Variants in ACBD6 observed in about 807,000 individuals in gnomAD.
ACBD6 encodes acyl-CoA-binding domain-containing protein 6.
In ACBD6, 28 loss-of-function variants were observed where a neutral mutation model predicts 37.2. The observed-to-expected ratio is 0.75, with a 90% CI of 0.56 to 1.03. The LOEUF is 1.03. ACBD6 is among the 50% of genes least tolerant of loss of function. ACBD6 has a pLI of 0.00. For missense variants in ACBD6, 340 were observed against 337.4 expected, an observed-to-expected ratio of 1.01 and a Z score of -0.06; for synonymous variants, 113 against 126.8, an observed-to-expected ratio of 0.89 and a Z score of 0.73.
intron 3 of ACBD6, among the ~76,000 whole-genome samples, chr1:180,482,874 G>A (rs1352729502): frequency 6.6e-6 from 1 of 152,086 alleles, no homozygotes; most frequent in African/African-American, 2.4e-5. Context: ...GAGTGTGTGG[G>A]GCAAGGTACT....
exon 11 of ACBD6, chr1:180,274,022 G>A: frequency 7.6e-6 from 6 of 787,408 alleles, no homozygotes; most frequent in Admixed American, 2.3e-5. Flanking sequence ...GTTGGCCTCT[G>A]GATATCAGGC....
downstream of ACBD6, among the ~76,000 whole-genome samples, chr1:180,283,958 G>A (rs1023365844): frequency 3.3e-5 from 5 of 151,968 alleles, no homozygotes; most frequent in Non-Finnish European, 5.9e-5. Flanking sequence ...CAAGCATTTC[G>A]GATAAGGACT....
chr1:180,417,780 C>T (rs527627393), intron 4 of ACBD6, among the ~76,000 whole-genome samples: 1 of 152,200 alleles, frequency 6.6e-6, no homozygotes, highest in South Asian at 2.1e-4. Flanking sequence ...CTGTGAAGTT[C>T]CTTTGGAGGT....
At chr1:180,291,490 T>TC (rs1489337535) in intron 7 of ACBD6, among the ~76,000 whole-genome samples, 1 of 152,242 alleles carries the variant, frequency 6.6e-6, no homozygotes, top group Non-Finnish European at 1.5e-5. Context: ...CTCATGTGCT[T>TC]ATCTGCCAAC....
At chr1:180,306,213 C>T (rs1286024599) in intron 7 of ACBD6, among the ~76,000 whole-genome samples, 4 of 151,518 alleles carry the variant, frequency 2.6e-5, no homozygotes, top group Admixed American at 1.3e-4. Context: ...CTAAACTGCA[C>T]GTTGTGCACA....
At chr1:180,449,493 T>A (rs1649613119) in intron 3 of ACBD6, among the ~76,000 whole-genome samples, 1 of 149,444 alleles carries the variant, frequency 6.7e-6, no homozygotes, top group African/African-American at 2.5e-5. Context: ...CACTGTAACC[T>A]CCACCACAGG....
At chr1:180,476,274 G>A (rs890175542) in intron 3 of ACBD6, among the ~76,000 whole-genome samples, 3 of 152,184 alleles carry the variant, frequency 2.0e-5, no homozygotes, top group Non-Finnish European at 2.9e-5. Context: ...ATTTATGCCG[G>A]AGGTTGAAAA....
At chr1:180,356,932 TC>T (rs1280093058) in intron 6 of ACBD6, among the ~76,000 whole-genome samples, 1 of 152,060 alleles carries the variant, frequency 6.6e-6, no homozygotes, top group African/African-American at 2.4e-5. Context: ...TGGTTACACT[TC>T]TATCATAACC....
At chr1:180,383,340 G>C (rs568098851) in intron 6 of ACBD6, among the ~76,000 whole-genome samples, 12 of 152,030 alleles carry the variant, frequency 7.9e-5, no homozygotes, top group South Asian at 4.2e-4. Context: ...AAATTCAGTC[G>C]AGTTGAATAC....
At chr1:180,463,201 G>A (rs969202758) in intron 3 of ACBD6, among the ~76,000 whole-genome samples, 2 of 152,094 alleles carry the variant, frequency 1.3e-5, no homozygotes, top group Admixed American at 6.5e-5. Context: ...AAAGCTAGCA[G>A]AAGTCAAGAA....
chr1:180,288,477 G>C lies in ACBD6; in HGVS notation c.735C>G (p.Leu245=). The change falls in exon 8 of 8, where the codon CTC becomes CTG. Residue 245 remains leucine (L), a synonymous_variant. Coordinates refer to ENST00000367595, the MANE Select transcript of ACBD6 (RefSeq NM_032360.4). Reference sequence around the variant, plus strand: ...GGAGAGTGGGGTCAGCACCAGACTGGAGCAGCAGCTCTACAATATCCAGAA... The same window carrying C: ...GGAGAGTGGGGTCAGCACCAGACTGCAGCAGCAGCTCTACAATATCCAGAA... ...CEFLDIVELL[L]QSGADPTLRD... 1.2e-6 allele frequency: 2 copies of C among 1,613,698 alleles called. No individual in the cohort carries two copies. The highest frequency in any genetic ancestry group is 1.1e-5 in the South Asian group (1 of 91,032).
intron 3 of ACBD6, among the ~76,000 whole-genome samples, chr1:180,450,227 C>G (rs1649649471): frequency 6.6e-6 from 1 of 152,128 alleles, no homozygotes; most frequent in Non-Finnish European, 1.5e-5. Context: ...ACAATCAGTG[C>G]AAGTATAGTG....
chr1:180,287,441 GATCT>G (rs1649541087), downstream of ACBD6: 1 of 148,002 alleles, frequency 6.8e-6, no homozygotes, highest in African/African-American at 2.5e-5. Context: ...GTGGCATACT[GATCT>G]ATCCTTTAAA....
chr1:180,317,043 C>T (rs1650842398), intron 6 of ACBD6, among the ~76,000 whole-genome samples: 1 of 152,140 alleles, frequency 6.6e-6, no homozygotes, highest in South Asian at 2.1e-4. Context: ...TGGTCATCTT[C>T]CTTGTCTGAA....
At chr1:180,275,229 A>G (rs930441787) in exon 10 of ACBD6, 16 of 152,300 alleles carry the variant, frequency 1.1e-4, no homozygotes, top group African/African-American at 3.9e-4. Flanking sequence ...TAAGTGTCCC[A>G]TCTATATCAT....
chr1:180,413,388 T>A lies in ACBD6; in HGVS notation c.551A>T (p.Asp184Val), dbSNP rs375806635. 10 of 1,613,148 alleles carry A rather than the reference T, an allele frequency of 6.2e-6. No homozygotes were observed. The East Asian group carries it at 6.7e-5, about 11-fold the overall frequency. Residue 184 changes from aspartate to valine, a missense_variant, in exon 5 of 8, where the codon GAT becomes GTT. Asp to Val is a radical substitution (Grantham distance 152). Transcript: ENST00000367595. ...ITKAIKSKNVDVNVKDEEGRA... is the reference protein window; with the variant it reads ...ITKAIKSKNVVVNVKDEEGRA... ...TACCTCTTCATCTTTCACATTCACA[T>A]CCACATTTTTCGATTTGATGGCTTT...
chr1:180,344,385 C>T (rs1652095567), intron 6 of ACBD6, among the ~76,000 whole-genome samples: 3 of 152,060 alleles, frequency 2.0e-5, no homozygotes, highest in Admixed American at 2.0e-4. Flanking sequence ...AGCCTTATGT[C>T]TCACACCAGC....
intron 3 of ACBD6, among the ~76,000 whole-genome samples, chr1:180,443,978 G>C (rs1649386639): frequency 6.6e-6 from 1 of 151,750 alleles, no homozygotes; most frequent in South Asian, 2.1e-4. Flanking sequence ...GAAAATTACT[G>C]TTTCATCCAG....
chr1:180,486,677 T>C (rs1651275775), intron 3 of ACBD6, among the ~76,000 whole-genome samples: 1 of 152,142 alleles, frequency 6.6e-6, no homozygotes, highest in African/African-American at 2.4e-5. Context: ...GAAAAGGATA[T>C]TTACATAGTC....
Sources: allele counts gnomAD v4.1 joint callset (sites outside exome capture counted in the v4.1 genomes callset), GRCh38; gene constraint gnomAD v4.1.1; transcripts MANE v1.5; gene names NCBI Gene and HGNC (gene_info 2026-07-23, HGNC 2026-07-21).